TET2: variants seen among roughly 807,000 people sequenced by gnomAD.
TET2 encodes the protein tet methylcytosine dioxygenase 2, also known as methylcytosine dioxygenase TET2.
TET2 carries 299 observed loss-of-function variants against 142.9 expected under a neutral mutation model. The ratio of observed to expected loss-of-function variants is 2.09; its 90% CI spans 1.90 to 2.30. The LOEUF is 2.30. TET2 is among the 30% of genes most tolerant of loss of function. TET2 has a pLI of 0.00. For missense variants in TET2, 2,418 were observed against 2,378.0 expected, an observed-to-expected ratio of 1.02 and a Z score of -0.35; for synonymous variants, 819 against 849.0, an observed-to-expected ratio of 0.96 and a Z score of 0.61.
intron 2 of TET2, among the ~76,000 whole-genome samples, chr4:105,211,840 G>A (rs1223199199): frequency 6.6e-6 from 1 of 152,130 alleles, no homozygotes; most frequent in Non-Finnish European, 1.5e-5. Context: ...TCCTTTTAGT[G>A]TTAATGTTGT....
intron 1 of TET2, among the ~76,000 whole-genome samples, chr4:105,182,005 T>C (rs945577557): frequency 1.2e-4 from 19 of 152,178 alleles, no homozygotes; most frequent in African/African-American, 4.6e-4. Context: ...TATGTAATTT[T>C]ATGTATAATT....
intron 1 of TET2, among the ~76,000 whole-genome samples, chr4:105,167,882 G>A (rs752137025): frequency 2.6e-5 from 4 of 152,132 alleles, no homozygotes; most frequent in Non-Finnish European, 4.4e-5. Context: ...TGTGAAACCC[G>A]TAAGGACGTA....
intron 6 of TET2, among the ~76,000 whole-genome samples, chr4:105,251,044 G>C (rs1241225208): frequency 6.6e-6 from 1 of 151,896 alleles, no homozygotes; most frequent in South Asian, 2.1e-4. Flanking sequence ...CAAATTTTTT[G>C]TTGATAATAT....
In TET2 at chr4:105,235,982, A is replaced by G. The variant is rs768117415; in HGVS notation, c.2040A>G (p.Arg680=). 5 of 1,614,024 alleles carry G rather than the reference A, an allele frequency of 3.1e-6. No individual in the cohort carries two copies. The Admixed American group carries it at 6.7e-5, about 22-fold the overall frequency. The change falls in exon 3 of 11, where the codon AGA becomes AGG. Residue 680 remains arginine, a synonymous_variant. Coordinates refer to ENST00000380013, the MANE Select transcript of TET2 (RefSeq NM_001127208.3). ...ATGTGCAGTCACTGTGTGGCACTAG[A>G]TTTCATTTTCAACAAAGAGCAGATT... is the stretch of plus-strand genomic sequence containing the variant. The part of the protein sequence containing the change: ...KAHVQSLCGT[R]FHFQQRADSQ...
At chr4:105,173,774 A>T (rs1415187626) in intron 1 of TET2, among the ~76,000 whole-genome samples, 1 of 152,204 alleles carries the variant, frequency 6.6e-6, no homozygotes, top group African/African-American at 2.4e-5. Context: ...ACATTTATAA[A>T]ATTAGGCTCA....
intron 1 of TET2, among the ~76,000 whole-genome samples, chr4:105,167,709 T>C (rs964320527): frequency 1.3e-5 from 2 of 152,190 alleles, no homozygotes; most frequent in Non-Finnish European, 2.9e-5. Context: ...CAGTTCATCC[T>C]GTACAGATCT....
At chr4:105,160,937 G>A (rs1173005289) in intron 1 of TET2, among the ~76,000 whole-genome samples, 1 of 152,026 alleles carries the variant, frequency 6.6e-6, no homozygotes, top group South Asian at 2.1e-4. Context: ...CACCACGCCC[G>A]GCTAATTTTT....
chr4:105,276,772 A>C lies in TET2; in HGVS notation c.*253A>C. 1 of 417,426 alleles carries C rather than the reference A, an allele frequency of 2.4e-6. No homozygotes were observed. Among genetic ancestry groups the C allele is most frequent in the Non-Finnish European group, 4.3e-6 (1 of 232,842 alleles). 25.9% of individuals were successfully genotyped at this position (417,426 alleles called of 1,614,324 possible). ...TATGCAAAAAGAAGGTGGGGAAGAA[A>C]GTGTTCCGCAATTTACATTTTTAAA... is the stretch of plus-strand genomic sequence containing the variant. On this transcript the variant is annotated 3_prime_UTR_variant, in exon 11 of 11. Transcript: ENST00000380013.
At chr4:105,189,098 C>T (rs951663900) in intron 1 of TET2, among the ~76,000 whole-genome samples, 8 of 152,028 alleles carry the variant, frequency 5.3e-5, no homozygotes, top group Middle Eastern at 3.4e-3. Context: ...AAAGAAGCAA[C>T]GTGTCCCAGT....
At chr4:105,207,616 A>G (rs990592510) in intron 2 of TET2, among the ~76,000 whole-genome samples, 2 of 152,104 alleles carry the variant, frequency 1.3e-5, no homozygotes, top group African/African-American at 4.8e-5. Context: ...CTGTACCTGT[A>G]TGATTTCGGA....
At position 105,246,626 on chromosome 4, in the gene TET2, T is replaced by C. The variant is rs143498073; in HGVS notation, c.3803+2848T>C. ...ATACAGACTTTACTCAGAAATAGCT[T>C]TTGAAGTTTCTTCTACCCCATAAAT... On this transcript the variant is annotated intron_variant, in intron 6 of 10. Transcript: ENST00000380013. Among the ~76,000 whole-genome samples the C allele has an allele frequency of 6.1e-4, 93 of 152,388 alleles. 2 individuals carry two copies. The highest frequency in any genetic ancestry group is 2.1e-3 in the African/African-American group (89 of 41,594).
intron 2 of TET2, among the ~76,000 whole-genome samples, chr4:105,224,283 A>C (rs1270401138): frequency 6.6e-6 from 1 of 152,156 alleles, no homozygotes; most frequent in Non-Finnish European, 1.5e-5. Context: ...GAAGAGTCAA[A>C]TGGTATGGAG....
Position 105,198,438 on chromosome 4 carries a change from A to T in TET2, c.-47+7933A>T, listed in dbSNP as rs570571999. ...GAAAACTATCAAAATATATTTTTTA[A>T]AACTTAGCTTTTGATAATGATATGG... On this transcript the variant is annotated intron_variant, in intron 2 of 10. Transcript: ENST00000380013. Among the ~76,000 whole-genome samples the T allele has an allele frequency of 1.4e-4, 22 of 152,348 alleles. No homozygotes were observed. In the South Asian group the frequency reaches 4.6e-3, roughly 32 times the overall value.
chr4:105,203,306 T>C (rs1022548509), intron 2 of TET2, among the ~76,000 whole-genome samples: 1 of 152,172 alleles, frequency 6.6e-6, no homozygotes, highest in Non-Finnish European at 1.5e-5. Context: ...TACATTAGAA[T>C]AAACAAAGCA....
At chr4:105,241,641 G>T in intron 4 of TET2, 1 of 1,283,138 alleles carries the variant, frequency 7.8e-7, no homozygotes, top group Non-Finnish European at 9.9e-7. Flanking sequence ...GCTGGCACAG[G>T]CTGCCCACTT....
At chr4:105,161,677 T>A (rs982672009) in intron 1 of TET2, among the ~76,000 whole-genome samples, 2 of 152,244 alleles carry the variant, frequency 1.3e-5, no homozygotes, top group African/African-American at 4.8e-5. Context: ...AGGCTATAAG[T>A]TAATTTCTAC....
In TET2 at chr4:105,234,260, C is replaced by T. The variant is rs770195414; in HGVS notation, c.318C>T (p.Leu106=). The T allele has an allele frequency of 6.2e-7, 1 of 1,614,008 alleles. No homozygotes were observed. Among genetic ancestry groups the T allele is most frequent in the South Asian group, 1.1e-5 (1 of 91,078 alleles). Residue 106 remains leucine, a synonymous_variant, in exon 3 of 11, where the codon CTC becomes CTT. Transcript: ENST00000380013. ...RTVSEPSLSG[L]LQIKKLKQDQ... ...TTAGTGAACCTTCTCTCTCTGGGCT[C>T]CTTCAGATCAAGAAATTGAAACAAG...
chr4:105,186,473 C>CTTTTTT (rs1224419124), intron 1 of TET2, among the ~76,000 whole-genome samples: 270 of 114,992 alleles, frequency 2.3e-3, no homozygotes, highest in East Asian at 3.2e-3. Context: ...TTTGCATTTT[C>CTTTTTT]TTTTTTTTTT....
chr4:105,261,725 G>T, intron 7 of TET2, 34 bp from the exon 8 acceptor site: 1 of 1,334,436 alleles, frequency 7.5e-7, no homozygotes, highest in South Asian at 1.3e-5. Flanking sequence ...AATGGACTTA[G>T]AATTTAATAT....
Sources: allele counts gnomAD v4.1 joint callset (sites outside exome capture counted in the v4.1 genomes callset), GRCh38; gene constraint gnomAD v4.1.1; transcripts MANE v1.5; gene names NCBI Gene and HGNC (gene_info 2026-07-23, HGNC 2026-07-21).